Variants in ZHX2 observed in about 807,000 individuals in gnomAD.
ZHX2 encodes zinc fingers and homeoboxes protein 2.
In ZHX2, 6 loss-of-function variants were observed where a neutral mutation model predicts 21.9. That is an observed-to-expected ratio of 0.27 (90% CI 0.15 to 0.54). The LOEUF is 0.54. Among genes scored for constraint, ZHX2 ranks in the 20% least tolerant of loss-of-function variants. ZHX2 has a pLI of 0.95. For synonymous variants in ZHX2, 434 were observed against 437.1 expected (o/e 0.99, Z 0.09); for missense variants, 908 against 1,090.7 (o/e 0.83, Z 2.36).
chr8:122,847,645 C>T (rs1818782917), intron 1 of ZHX2, among the ~76,000 whole-genome samples: 1 of 152,242 alleles, frequency 6.6e-6, no homozygotes, highest in African/African-American at 2.4e-5. Context: ...CAGAACCCAC[C>T]TTCGCACATG....
chr8:122,942,056 AGAG>A lies in ZHX2; in HGVS notation c.-219-9235_-219-9233del. ...TTCAAAGGCAATTCTGTTTAACAGA[AGAG>A]AAAAATGGAGGCAAGGATGGAAACA... On this transcript the variant is annotated intron_variant, in intron 2 of 3. Coordinates refer to ENST00000314393, the MANE Select transcript of ZHX2 (RefSeq NM_014943.5). 1.3e-5 allele frequency among the ~76,000 whole-genome samples: 2 copies of A among 152,364 alleles called. 1 individual carries two copies. The highest frequency in any genetic ancestry group is 4.1e-4 in the South Asian group (2 of 4,830).
intron 2 of ZHX2, among the ~76,000 whole-genome samples, chr8:122,881,469 A>T (rs1031324942): frequency 6.6e-6 from 1 of 152,116 alleles, no homozygotes; most frequent in African/African-American, 2.4e-5. Context: ...TACCTCTCAG[A>T]GTTGTTTTGA....
intron 2 of ZHX2, among the ~76,000 whole-genome samples, chr8:122,928,978 A>AT (rs1820919409): frequency 6.6e-6 from 1 of 152,160 alleles, no homozygotes; most frequent in Non-Finnish European, 1.5e-5. Context: ...ATTGGTTAAC[A>AT]TTATTGAATA....
intron 1 of ZHX2, among the ~76,000 whole-genome samples, chr8:122,848,408 G>A (rs1314351486): frequency 1.3e-5 from 2 of 152,118 alleles, no homozygotes; most frequent in Non-Finnish European, 2.9e-5. Context: ...TTTCAGCCCA[G>A]TGGCTCCCTC....
intron 3 of ZHX2, among the ~76,000 whole-genome samples, chr8:122,970,045 C>G (rs1813680239): frequency 6.6e-6 from 1 of 152,270 alleles, no homozygotes; most frequent in African/African-American, 2.4e-5. Flanking sequence ...CACCGAGAGC[C>G]TGGACATCAC....
chr8:122,823,298 T>G (rs970903421), intron 1 of ZHX2, among the ~76,000 whole-genome samples: 1 of 152,236 alleles, frequency 6.6e-6, no homozygotes, highest in Non-Finnish European at 1.5e-5. Flanking sequence ...GTTCTTATAC[T>G]CAGCTCTCTC....
chr8:122,885,904 C>T (rs1231361113), intron 2 of ZHX2, among the ~76,000 whole-genome samples: 2 of 152,132 alleles, frequency 1.3e-5, no homozygotes, highest in Non-Finnish European at 2.9e-5. Context: ...AGTGTCTAAG[C>T]CTGATCCAGA....
At chr8:122,867,767 A>G (rs1441384102) in intron 2 of ZHX2, among the ~76,000 whole-genome samples, 1 of 152,228 alleles carries the variant, frequency 6.6e-6, no homozygotes, top group African/African-American at 2.4e-5. Context: ...AAACTCGCTC[A>G]CAAAAGATGG....
intron 1 of ZHX2, among the ~76,000 whole-genome samples, chr8:122,785,791 G>A (rs903450854): frequency 6.6e-6 from 1 of 152,184 alleles, no homozygotes; most frequent in Non-Finnish European, 1.5e-5. Flanking sequence ...AGGTGGAGAG[G>A]GGGATGCAGG....
At chr8:122,849,421 C>T (rs1209839489) in intron 1 of ZHX2, among the ~76,000 whole-genome samples, 1 of 152,150 alleles carries the variant, frequency 6.6e-6, no homozygotes, top group Non-Finnish European at 1.5e-5. Flanking sequence ...TGGGTTAAAG[C>T]AATAGAAATT....
chr8:122,802,098 C>CT (rs982155650), intron 1 of ZHX2, among the ~76,000 whole-genome samples: 5 of 152,164 alleles, frequency 3.3e-5, no homozygotes, highest in East Asian at 1.9e-4. Flanking sequence ...GAGTCTGACT[C>CT]TGTCATCCAC....
chr8:122,791,881 A>G (rs1346510857), intron 1 of ZHX2, among the ~76,000 whole-genome samples: 1 of 151,674 alleles, frequency 6.6e-6, no homozygotes, highest in Non-Finnish European at 1.5e-5. Flanking sequence ...AAAAAAAAAA[A>G]GATGATGTAT....
chr8:122,876,508 T>C, intron 2 of ZHX2, among the ~76,000 whole-genome samples: 1 of 152,160 alleles, frequency 6.6e-6, no homozygotes, highest in East Asian at 1.9e-4. Flanking sequence ...GCCATCAGTT[T>C]CCCCTGATCC....
chr8:122,798,972 G>C (rs1817664977), intron 1 of ZHX2, among the ~76,000 whole-genome samples: 1 of 152,086 alleles, frequency 6.6e-6, no homozygotes, highest in Admixed American at 6.5e-5. Context: ...AATCCCCTGG[G>C]GCTTTATAAG....
intron 2 of ZHX2, among the ~76,000 whole-genome samples, chr8:122,911,087 G>A (rs1208570316): frequency 6.6e-6 from 1 of 152,174 alleles, no homozygotes; most frequent in East Asian, 1.9e-4. Flanking sequence ...TCCACTTGGG[G>A]GTTTGTACAT....
rs1315734065 is a variant in ZHX2 at position 122,781,662 on chromosome 8, T to C, written c.-567T>C. ...ATGCTGACGTTACAGATCATGTGGGTTTTGGCGTAGATTCCCCACTGATCG... is the reference window on the plus strand; with the variant it reads ...ATGCTGACGTTACAGATCATGTGGGCTTTGGCGTAGATTCCCCACTGATCG... On this transcript the variant is annotated 5_prime_UTR_variant, in exon 1 of 4. Coordinates refer to ENST00000314393, the MANE Select transcript of ZHX2 (RefSeq NM_014943.5). The surrounding 1 kb of genome is among the most constrained non-coding windows in gnomAD (Gnocchi z 4.6). 1 of 152,468 alleles carries C rather than the reference T, an allele frequency of 6.6e-6. No homozygotes were observed. The highest frequency in any genetic ancestry group is 1.5e-5 in the Non-Finnish European group (1 of 67,986). 9.4% of individuals were successfully genotyped at this position (152,468 alleles called of 1,614,324 possible). A position where few individuals can be genotyped will look rare whatever the true frequency, so the allele number is the denominator to read the frequency against.
rs555745291 is a variant in ZHX2 at position 122,899,815 on chromosome 8, A to G, written c.-220+36276A>G. ...GAAATTATGCAGGCAGTTTAATGCAAATTGGAGGGAAAAGCCAAAAATAAA... is the reference window on the plus strand; with the variant it reads ...GAAATTATGCAGGCAGTTTAATGCAGATTGGAGGGAAAAGCCAAAAATAAA... On this transcript the variant is annotated intron_variant, in intron 2 of 3. Transcript: ENST00000314393. Among the ~76,000 whole-genome samples the G allele has an allele frequency of 8.7e-4, 133 of 152,338 alleles. 1 individual carries two copies. Among genetic ancestry groups the G allele is most frequent in the African/African-American group, 3.1e-3 (129 of 41,576 alleles).
At chr8:122,803,947 G>T (rs1817768793) in intron 1 of ZHX2, among the ~76,000 whole-genome samples, 1 of 152,134 alleles carries the variant, frequency 6.6e-6, no homozygotes, top group Non-Finnish European at 1.5e-5. Context: ...TAGATGGAGG[G>T]CCAGGGCGGG....
chr8:122,807,054 G>A (rs1817839297), intron 1 of ZHX2, among the ~76,000 whole-genome samples: 1 of 152,166 alleles, frequency 6.6e-6, no homozygotes, highest in East Asian at 1.9e-4. Flanking sequence ...TGTGGAGAAG[G>A]GTGGACAGTG....
Sources: allele counts gnomAD v4.1 joint callset (sites outside exome capture counted in the v4.1 genomes callset), GRCh38; gene constraint gnomAD v4.1.1; non-coding constraint Gnocchi (gnomAD v3.1); transcripts MANE v1.5; gene names NCBI Gene and HGNC (gene_info 2026-07-23, HGNC 2026-07-21).